The following TMEM39B variants were observed in gnomAD, a reference collection of about 807,000 sequenced individuals.
The protein encoded by TMEM39B is transmembrane protein 39B.
In TMEM39B, 23 loss-of-function variants were observed where a neutral mutation model predicts 52.2. That is an observed-to-expected ratio of 0.44 (90% CI 0.32 to 0.62). The LOEUF is 0.62. Among genes scored for constraint, TMEM39B ranks in the 20% least tolerant of loss-of-function variants. The pLI is 0.06. For synonymous variants in TMEM39B, 285 were observed against 264.0 expected, an observed-to-expected ratio of 1.08 and a Z score of -0.77; for missense variants, 547 against 642.0, an observed-to-expected ratio of 0.85 and a Z score of 1.60.
At chr1:32,093,460 G>A (rs1429449403) in intron 6 of TMEM39B, among the ~76,000 whole-genome samples, 2 of 140,322 alleles carry the variant, frequency 1.4e-5, no homozygotes, top group Admixed American at 7.5e-5. Context: ...GGCCCAGGCT[G>A]GAGTGCAGTG....
intron 7 of TMEM39B, among the ~76,000 whole-genome samples, chr1:32,098,573 A>G (rs1221100020): frequency 2.0e-5 from 3 of 152,050 alleles, no homozygotes; most frequent in Non-Finnish European, 4.4e-5. Context: ...TCTTCTAAAA[A>G]TACAAAAAAA....
chr1:32,087,220 A>G (rs1377297617), intron 5 of TMEM39B, among the ~76,000 whole-genome samples: 2 of 149,280 alleles, frequency 1.3e-5, no homozygotes, highest in African/African-American at 2.4e-5. Context: ...CAGGAGGCTG[A>G]TGCAGGAGAA....
At chr1:32,096,804 G>A (rs542946725) in intron 7 of TMEM39B, among the ~76,000 whole-genome samples, 2 of 146,840 alleles carry the variant, frequency 1.4e-5, no homozygotes, top group Admixed American at 6.9e-5. Flanking sequence ...AGTGAAATGT[G>A]CAATCCTTTT....
chr1:32,090,984 C>T (rs978301580), intron 5 of TMEM39B, among the ~76,000 whole-genome samples: 5 of 152,108 alleles, frequency 3.3e-5, no homozygotes, highest in Non-Finnish European at 7.3e-5. Context: ...GATGGGGTCT[C>T]ACTATGTTGC....
rs1640980078 is a variant in TMEM39B, at chr1:32,100,511, A to G, written c.1185A>G (p.Val395=). 3.1e-6 allele frequency: 5 copies of G among 1,613,906 alleles called. No homozygotes were observed. The highest frequency in any genetic ancestry group is 1.6e-4 in the Middle Eastern group (1 of 6,084). The change falls in exon 8 of 9, where the codon GTA becomes GTG. Residue 395 remains valine, a synonymous_variant. Coordinates refer to ENST00000336294, the MANE Select transcript of TMEM39B (RefSeq NM_018056.4). The part of the protein sequence containing the change: ...VKHSKNVYKA[V]GHYNVAIPSD... ...ACAGCAAGAACGTCTACAAAGCCGT[A>G]GGCCACTACAACGTGGCTATCCCCT...
At chr1:32,082,102 C>T (rs1008772506) in intron 5 of TMEM39B, among the ~76,000 whole-genome samples, 1 of 151,680 alleles carries the variant, frequency 6.6e-6, no homozygotes, top group South Asian at 2.1e-4. Context: ...ATAAGTATCC[C>T]TATACTTTTT....
At position 32,076,765 on chromosome 1, in the gene TMEM39B, C is replaced by A. The variant is rs377359320; in HGVS notation, c.354C>A (p.Asn118Lys). The change falls in exon 4 of 9, where the codon AAC becomes AAA. Residue 118 changes from asparagine (N) to lysine (K), a missense_variant and splice_region_variant. Transcript: ENST00000336294. Reference sequence around the variant, plus strand: ...CCCAGGCCTCTGCCCCCTGACAGAACTTCCATCTGATCGACTTCAACTTGC... The same window carrying A: ...CCCAGGCCTCTGCCCCCTGACAGAAATTCCATCTGATCGACTTCAACTTGC... ...PSHPPSHTSLNFHLIDFNLLM... is the reference protein window; with the variant it reads ...PSHPPSHTSLKFHLIDFNLLM... 4 of 1,614,036 alleles carry A rather than the reference C, an allele frequency of 2.5e-6. No individual in the cohort carries two copies. The highest frequency in any genetic ancestry group is 3.4e-6 in the Non-Finnish European group (4 of 1,180,022).
intron 5 of TMEM39B, among the ~76,000 whole-genome samples, chr1:32,077,753 T>TGTGTGGGTGTCTATGCATGAAGC (rs1222905669): frequency 1.1e-4 from 17 of 152,166 alleles, no homozygotes; most frequent in Non-Finnish European, 2.2e-4. Flanking sequence ...TGCATGTCTC[T>TGTGTGGGTGTCTATGCATGAAGC]GTGTGGGTGT....
chr1:32,077,469 G>A (rs1027088376), intron 5 of TMEM39B, 151 bp downstream of exon 5: 16 of 1,048,256 alleles, frequency 1.5e-5, no homozygotes, highest in Non-Finnish European at 2.1e-5. Flanking sequence ...CACTCACTGA[G>A]GTCAGGATAA....
Position 32,102,481 on chromosome 1 carries a change from G to A in TMEM39B, c.1287G>A (p.Glu429=), listed in dbSNP as rs1641053731. ...LRILNILLLL[E]GAVIVYQLYS... Reference sequence around the variant, plus strand: ...TCCTCAACATCCTCCTGCTGCTGGAGGGCGCTGTCATTGTCTATCAGCTGT... The same window carrying A: ...TCCTCAACATCCTCCTGCTGCTGGAAGGCGCTGTCATTGTCTATCAGCTGT... The change falls in exon 9 of 9, where the codon GAG becomes GAA. Residue 429 remains glutamate (E), a synonymous_variant. Transcript: ENST00000336294. The A allele has an allele frequency of 2.5e-6, 4 of 1,614,130 alleles. No individual in the cohort carries two copies. Among genetic ancestry groups the A allele is most frequent in the Non-Finnish European group, 2.5e-6 (3 of 1,179,996 alleles).
At chr1:32,088,935 C>T (rs1640492429) in intron 5 of TMEM39B, among the ~76,000 whole-genome samples, 1 of 152,010 alleles carries the variant, frequency 6.6e-6, no homozygotes, top group Non-Finnish European at 1.5e-5. Context: ...TATTGATCAT[C>T]TATTCTGGGC....
chr1:32,083,623 C>T (rs1432527637), intron 5 of TMEM39B, among the ~76,000 whole-genome samples: 5 of 150,902 alleles, frequency 3.3e-5, no homozygotes, highest in Middle Eastern at 3.4e-3. Flanking sequence ...GGGGTTTCAC[C>T]GTGTTAGTCA....
intron 1 of TMEM39B, chr1:32,073,454 T>A (rs1367874452): frequency 1.6e-5 from 13 of 793,274 alleles, no homozygotes; most frequent in Non-Finnish European, 2.0e-5. Context: ...GACTTCCGAC[T>A]GAGGGAGCCC....
At chr1:32,075,404 G>T (rs1368808767) in intron 2 of TMEM39B, among the ~76,000 whole-genome samples, 199 bp from the exon 3 acceptor site, 1 of 152,106 alleles carries the variant, frequency 6.6e-6, no homozygotes, top group African/African-American at 2.4e-5. Context: ...TCTCTCCTAG[G>T]GGGTGTTGGA....
chr1:32,077,373 C>T, intron 5 of TMEM39B, 55 bp downstream of exon 5: 1 of 1,598,278 alleles, frequency 6.3e-7, no homozygotes, highest in African/African-American at 1.3e-5. Context: ...CTGACCTCTG[C>T]CCTGACCGTA....
intron 5 of TMEM39B, among the ~76,000 whole-genome samples, chr1:32,090,621 T>TTG (rs1640565827): frequency 2.6e-5 from 4 of 151,786 alleles, no homozygotes; most frequent in South Asian, 2.1e-4. Context: ...CTAATTTTTT[T>TTG]TTGTTGTTGT....
At chr1:32,089,131 ATTTT>A (rs746806785) in intron 5 of TMEM39B, among the ~76,000 whole-genome samples, 23 of 130,196 alleles carry the variant, frequency 1.8e-4, no homozygotes, top group African/African-American at 5.8e-4. Context: ...AGAGCTGGGA[ATTTT>A]TTTTTTTTTT....
At chr1:32,091,635 C>A (rs1640606014) in intron 5 of TMEM39B, 40 bp from the exon 6 acceptor site, 1 of 1,549,050 alleles carries the variant, frequency 6.5e-7, no homozygotes, top group Middle Eastern at 1.7e-4. Context: ...GGATCCTGGC[C>A]CATGGGCAGG....
chr1:32,091,524 T>G (rs1569920502), intron 5 of TMEM39B, 151 bp from the exon 6 acceptor site: 1 of 810,186 alleles, frequency 1.2e-6, no homozygotes, highest in South Asian at 1.8e-5. Flanking sequence ...CATTGGATGG[T>G]AGGGTGGATG....
Sources: allele counts gnomAD v4.1 joint callset (sites outside exome capture counted in the v4.1 genomes callset), GRCh38; gene constraint gnomAD v4.1.1; transcripts MANE v1.5; gene names NCBI Gene and HGNC (gene_info 2026-07-23, HGNC 2026-07-21).